UMAD1: variants seen among roughly 807,000 people sequenced by gnomAD.
UMAD1 encodes the protein UBAP1-MVB12-associated (UMA)-domain containing protein 1.
A neutral mutation model predicts 6.1 loss-of-function variants in UMAD1; 8 were observed. The observed-to-expected ratio is 1.30, with a 90% CI of 0.76 to 2.35. The LOEUF is 2.35. UMAD1 is among the 30% of genes most tolerant of loss of function. The pLI, the probability that UMAD1 is intolerant of heterozygous loss-of-function variation, is 0.00. For missense variants in UMAD1, 130 were observed against 78.4 expected, an observed-to-expected ratio of 1.66 and a Z score of -2.49; for synonymous variants, 56 against 31.4, an observed-to-expected ratio of 1.78 and a Z score of -2.61.
intron 1 of UMAD1, among the ~76,000 whole-genome samples, chr7:7,670,914 C>T (rs1361965451): frequency 6.6e-6 from 1 of 152,206 alleles, no homozygotes; most frequent in Non-Finnish European, 1.5e-5. Flanking sequence ...TGTCCAGATT[C>T]TGCTTCCTGG....
intron 2 of UMAD1, among the ~76,000 whole-genome samples, chr7:7,772,757 T>A (rs996508313): frequency 3.0e-4 from 46 of 152,198 alleles, no homozygotes; most frequent in African/African-American, 1.1e-3. Flanking sequence ...ACAAAAACAT[T>A]TGCTTTTTAA....
chr7:7,772,918 G>T (rs1171530554), intron 2 of UMAD1, among the ~76,000 whole-genome samples: 1 of 149,512 alleles, frequency 6.7e-6, no homozygotes, highest in Non-Finnish European at 1.5e-5. Context: ...TTTTAAAGAG[G>T]GGTTTCCCCT....
intron 2 of UMAD1, among the ~76,000 whole-genome samples, chr7:7,768,431 C>A (rs1398284557): frequency 6.6e-6 from 1 of 152,170 alleles, no homozygotes; most frequent in Non-Finnish European, 1.5e-5. Flanking sequence ...GTTCTGAACT[C>A]CACACACTGT....
At chr7:7,783,028 C>T (rs752003646) in intron 2 of UMAD1, among the ~76,000 whole-genome samples, 8 of 152,178 alleles carry the variant, frequency 5.3e-5, no homozygotes, top group Non-Finnish European at 1.0e-4. Context: ...GCATCGTGCC[C>T]AACCTAGTGT....
intron 3 of UMAD1, among the ~76,000 whole-genome samples, chr7:7,819,309 T>G (rs865953426): frequency 4.0e-4 from 55 of 137,226 alleles, no homozygotes; most frequent in African/African-American, 1.2e-3. Flanking sequence ...ATATTACTTC[T>G]CAAAATTTTA....
chr7:7,645,775 A>G (rs1202805501), intron 1 of UMAD1, among the ~76,000 whole-genome samples: 2 of 150,050 alleles, frequency 1.3e-5, no homozygotes, highest in African/African-American at 4.9e-5. Context: ...ATTGTCTTTT[A>G]TATATATTCC....
At chr7:7,709,848 A>G (rs1300769591) in intron 2 of UMAD1, among the ~76,000 whole-genome samples, 1 of 152,126 alleles carries the variant, frequency 6.6e-6, no homozygotes, top group Non-Finnish European at 1.5e-5. Flanking sequence ...GTACCCACCA[A>G]TTGGTTTAAG....
At chr7:7,864,301 C>A (rs549364354) in intron 3 of UMAD1, among the ~76,000 whole-genome samples, 22 of 152,182 alleles carry the variant, frequency 1.4e-4, no homozygotes, top group Admixed American at 2.6e-4. Flanking sequence ...TAATAGTAAA[C>A]ACTGAAATAA....
At chr7:7,839,722 G>A (rs967576936) in intron 3 of UMAD1, among the ~76,000 whole-genome samples, 4 of 152,194 alleles carry the variant, frequency 2.6e-5, no homozygotes, top group African/African-American at 9.6e-5. Context: ...ACAAATGAGT[G>A]GTTTGGCCTT....
At chr7:7,869,982 A>G (rs1784305723) in intron 3 of UMAD1, among the ~76,000 whole-genome samples, 1 of 152,162 alleles carries the variant, frequency 6.6e-6, no homozygotes, top group Non-Finnish European at 1.5e-5. Context: ...GATTTTTAAG[A>G]TTGAACCTCA....
At chr7:7,860,246 A>G (rs2115331548) in intron 3 of UMAD1, among the ~76,000 whole-genome samples, 1 of 152,264 alleles carries the variant, frequency 6.6e-6, no homozygotes, top group African/African-American at 2.4e-5. Context: ...TTTAATTATG[A>G]TTTTTAAAGA....
At chr7:7,687,759 AATG>A (rs1315212774) in intron 2 of UMAD1, among the ~76,000 whole-genome samples, 3 of 152,260 alleles carry the variant, frequency 2.0e-5, no homozygotes, top group Non-Finnish European at 4.4e-5. Context: ...ACATATTTTT[AATG>A]ATAAGTATTA....
intron 3 of UMAD1, among the ~76,000 whole-genome samples, chr7:7,816,986 C>T (rs1783141372): frequency 6.6e-6 from 1 of 152,202 alleles, no homozygotes; most frequent in African/African-American, 2.4e-5. Context: ...TAATTTGTGT[C>T]TACTGTGCAT....
chr7:7,872,256 A>T (rs888783374), intron 3 of UMAD1, among the ~76,000 whole-genome samples: 2 of 152,184 alleles, frequency 1.3e-5, no homozygotes, highest in East Asian at 3.8e-4. Flanking sequence ...TTCCCACTAC[A>T]TATAAAAGTT....
intron 1 of UMAD1, among the ~76,000 whole-genome samples, chr7:7,655,106 TC>T: frequency 6.6e-6 from 1 of 152,144 alleles, no homozygotes; most frequent in East Asian, 1.9e-4. Flanking sequence ...TCCAGACAGT[TC>T]CTGGTAGTAG....
chr7:7,850,570 A>T (rs1360282860), intron 3 of UMAD1, among the ~76,000 whole-genome samples: 1 of 152,100 alleles, frequency 6.6e-6, no homozygotes, highest in Non-Finnish European at 1.5e-5. Flanking sequence ...ATTTACCATG[A>T]CCATAAGGCC....
chr7:7,761,029 A>G (rs1781878314), intron 2 of UMAD1, among the ~76,000 whole-genome samples: 1 of 152,206 alleles, frequency 6.6e-6, no homozygotes, highest in Non-Finnish European at 1.5e-5. Flanking sequence ...TACTGTGGGC[A>G]GGACCACCAC....
At chr7:7,769,687 A>G (rs2115241416) in intron 2 of UMAD1, among the ~76,000 whole-genome samples, 2 of 152,324 alleles carry the variant, frequency 1.3e-5, no homozygotes, top group Middle Eastern at 6.8e-3. Flanking sequence ...GCATTTATGT[A>G]GAGGAAGCAG....
In UMAD1 at chr7:7,710,947, G is replaced by A. The variant is rs547012944; in HGVS notation, c.82+37494G>A. Among the ~76,000 whole-genome samples the A allele has an allele frequency of 5.3e-5, 8 of 152,252 alleles. No homozygotes were observed. In the East Asian group the frequency reaches 7.7e-4, roughly 15 times the overall value. Reference sequence around the variant, plus strand: ...AAAAGAGCCAATCCCTAAAGGTAACGTACTGTATGACTTCATTTATGTAGC... The same window carrying A: ...AAAAGAGCCAATCCCTAAAGGTAACATACTGTATGACTTCATTTATGTAGC... On this transcript the variant is annotated intron_variant, in intron 2 of 3. Coordinates refer to ENST00000682710, the MANE Select transcript of UMAD1 (RefSeq NM_001302348.2).
Sources: gnomAD v4.1 joint callset for allele counts (sites outside exome capture counted in the v4.1 genomes callset) on GRCh38, gnomAD v4.1.1 for gene constraint, MANE v1.5 for transcripts, NCBI Gene and HGNC (gene_info 2026-07-23, HGNC 2026-07-21) for gene names.